The following LRRFIP2 variants were observed in gnomAD, a reference collection of about 807,000 sequenced individuals.
LRRFIP2 encodes the protein LRR binding FLII interacting protein 2.
A neutral mutation model predicts 125.9 loss-of-function variants in LRRFIP2; 109 were observed. The observed-to-expected ratio is 0.87, with a 90% CI of 0.74 to 1.01. The LOEUF (loss-of-function observed/expected upper bound fraction) is 1.01. Ranked by LOEUF, LRRFIP2 falls within the 50% of genes least tolerant of loss-of-function variation. The pLI, the probability that LRRFIP2 is intolerant of heterozygous loss-of-function variation, is 0.00. For missense variants in LRRFIP2, 850 were observed against 862.3 expected (o/e 0.99, Z 0.18); for synonymous variants, 291 against 293.1 (o/e 0.99, Z 0.07).
intron 26 of LRRFIP2, 59 bp from the exon 27 acceptor site, chr3:37,054,574 T>C: frequency 1.8e-6 from 2 of 1,123,622 alleles, no homozygotes; most frequent in Non-Finnish European, 1.3e-6. Context: ...CACTTTTTGG[T>C]AGCCAGGATG....
chr3:37,122,869 C>A (rs2095112381), intron 4 of LRRFIP2, among the ~76,000 whole-genome samples: 1 of 152,158 alleles, frequency 6.6e-6, no homozygotes, highest in African/African-American at 2.4e-5. Flanking sequence ...GATAAAATGG[C>A]TAGTCCCTAA....
chr3:37,082,876 A>G (rs1302444305), intron 19 of LRRFIP2, among the ~76,000 whole-genome samples: 1 of 152,118 alleles, frequency 6.6e-6, no homozygotes, highest in Non-Finnish European at 1.5e-5. Context: ...GCAAATTCAG[A>G]TTGCTGTTTC....
chr3:37,099,259 T>A (rs2093894809), intron 15 of LRRFIP2, among the ~76,000 whole-genome samples: 1 of 152,152 alleles, frequency 6.6e-6, no homozygotes, highest in African/African-American at 2.4e-5. Context: ...GACAAAAACC[T>A]AGCTGAAACT....
At chr3:37,154,117 G>A (rs903133841) in intron 1 of LRRFIP2, among the ~76,000 whole-genome samples, 30 of 152,024 alleles carry the variant, frequency 2.0e-4, no homozygotes, top group Admixed American at 1.8e-3. Flanking sequence ...TCAAGGTTAC[G>A]GTGAGCCGTG....
chr3:37,111,669 C>T (rs1324005386), intron 8 of LRRFIP2, among the ~76,000 whole-genome samples: 3 of 152,098 alleles, frequency 2.0e-5, no homozygotes, highest in African/African-American at 7.2e-5. Flanking sequence ...CAAGGTTAAG[C>T]AAATTTAGGC....
At chr3:37,093,747 A>C (rs2093588403) in intron 17 of LRRFIP2, among the ~76,000 whole-genome samples, 1 of 152,138 alleles carries the variant, frequency 6.6e-6, no homozygotes, top group African/African-American at 2.4e-5. Context: ...GCTAGCATAC[A>C]AGATGCTTTG....
rs1330013855 is a variant in LRRFIP2, at chr3:37,072,823, C to T, written c.1431G>A (p.Gln477=). Residue 477 remains glutamine, a synonymous_variant, in exon 21 of 28, where the codon CAG becomes CAA. Coordinates refer to ENST00000336686, the MANE Select transcript of LRRFIP2 (RefSeq NM_006309.4). ...TTTTATCTTTCCAAAGAAGTGTCTC[C>T]TGGAGGTCAAACACCTCTTTTGTCA... The part of the protein sequence containing the change: ...DTMTKEVFDL[Q]ETLLWKDKKI... 1 of 1,613,186 alleles carries T rather than the reference C, an allele frequency of 6.2e-7. No individual in the cohort carries two copies. Among genetic ancestry groups the T allele is most frequent in the East Asian group, 2.2e-5 (1 of 44,830 alleles).
chr3:37,157,829 T>C (rs1436824727), intron 1 of LRRFIP2, among the ~76,000 whole-genome samples: 3 of 152,238 alleles, frequency 2.0e-5, no homozygotes, highest in African/African-American at 7.2e-5. Context: ...TTACAACTCA[T>C]ACTTTATAAA....
intron 12 of LRRFIP2, 138 bp from the exon 13 acceptor site, chr3:37,108,267 T>C (rs1328365774): frequency 3.0e-6 from 2 of 667,266 alleles, no homozygotes; most frequent in Non-Finnish European, 5.1e-6. Context: ...TGTAGAACTC[T>C]ACCTCATCCC....
rs201402337 is a variant in LRRFIP2 at position 37,120,105 on chromosome 3, C to CT, written c.330+1386dup. ...ATTTCTGTAAAGATCTGTTAATATT[C>CT]TTTTTTTTTTTTTTTTTTTGAGATG... On this transcript the variant is annotated intron_variant, in intron 6 of 27. Transcript: ENST00000336686. Among the ~76,000 whole-genome samples the CT allele has an allele frequency of 8.6e-3, 1,111 of 129,478 alleles. 10 individuals carry two copies. Among genetic ancestry groups the CT allele is most frequent in the East Asian group, 0.011 (48 of 4,498 alleles). The allele number at this position is 129,478 out of a possible 152,430, so 84.9% of individuals were successfully genotyped here.
At chr3:37,155,477 A>G (rs933372011) in intron 1 of LRRFIP2, among the ~76,000 whole-genome samples, 4 of 152,236 alleles carry the variant, frequency 2.6e-5, no homozygotes, top group Non-Finnish European at 5.9e-5. Flanking sequence ...GCTGTCTAGC[A>G]CATGTATACA....
chr3:37,139,547 A>G (rs2095638850), intron 2 of LRRFIP2, among the ~76,000 whole-genome samples: 1 of 152,146 alleles, frequency 6.6e-6, no homozygotes, highest in East Asian at 1.9e-4. Flanking sequence ...CAAAGCCACT[A>G]ACAGACTTCC....
intron 18 of LRRFIP2, among the ~76,000 whole-genome samples, chr3:37,087,682 G>A (rs1430018789): frequency 2.6e-5 from 4 of 151,632 alleles, no homozygotes; most frequent in Middle Eastern, 3.4e-3. Flanking sequence ...TCAGCCTCCC[G>A]GGTTCAAGTG....
intron 1 of LRRFIP2, among the ~76,000 whole-genome samples, chr3:37,173,705 T>G (rs532122568): frequency 6.6e-6 from 1 of 152,306 alleles, no homozygotes; most frequent in Non-Finnish European, 1.5e-5. Context: ...GCAAGAATTA[T>G]TTTTTTCTAT....
At chr3:37,154,080 T>C (rs1370701584) in intron 1 of LRRFIP2, among the ~76,000 whole-genome samples, 1 of 149,662 alleles carries the variant, frequency 6.7e-6, no homozygotes, top group Non-Finnish European at 1.5e-5. Context: ...GAGGCTGAGG[T>C]GGGAGGACTA....
intron 18 of LRRFIP2, among the ~76,000 whole-genome samples, chr3:37,084,850 T>C (rs1048466571): frequency 9.9e-5 from 13 of 131,820 alleles, no homozygotes; most frequent in Middle Eastern, 3.8e-3. Flanking sequence ...AATGACTTTT[T>C]TAAAGCTAAA....
chr3:37,107,230 G>A (rs995987825), intron 13 of LRRFIP2, among the ~76,000 whole-genome samples: 2 of 152,060 alleles, frequency 1.3e-5, no homozygotes, highest in Non-Finnish European at 2.9e-5. Flanking sequence ...GTATACTTAC[G>A]CACTAACAGA....
At chr3:37,068,443 T>C (rs1050021787) in intron 21 of LRRFIP2, 1 of 152,230 alleles carries the variant, frequency 6.6e-6, no homozygotes, top group East Asian at 1.9e-4. Context: ...GACTTTTTAA[T>C]TTCCTCTTCC....
chr3:37,065,517 A>G (rs2089939999), intron 23 of LRRFIP2: 3 of 537,886 alleles, frequency 5.6e-6, no homozygotes, highest in Admixed American at 4.4e-5. Flanking sequence ...ATACTAGACT[A>G]TCTCTTTGCA....
Sources: allele counts gnomAD v4.1 joint callset (sites outside exome capture counted in the v4.1 genomes callset), GRCh38; gene constraint gnomAD v4.1.1; transcripts MANE v1.5; gene names NCBI Gene and HGNC (gene_info 2026-07-23, HGNC 2026-07-21).